The following PPP3CA variants were observed in gnomAD, a reference collection of about 807,000 sequenced individuals.
PPP3CA encodes protein phosphatase 3 catalytic subunit alpha, also known as CAM-PRP catalytic subunit.
A neutral mutation model predicts 66.5 loss-of-function variants in PPP3CA; 14 were observed. That is an observed-to-expected ratio of 0.21 (90% CI 0.14 to 0.33). The LOEUF is 0.33. Ranked by LOEUF, PPP3CA falls within the 10% of genes least tolerant of loss-of-function variation. The probability of loss-of-function intolerance (pLI) is 1.00; values close to 1 mark genes in which losing one functional copy is unlikely to be tolerated. For missense variants in PPP3CA, 317 were observed against 639.5 expected (o/e 0.50, Z 5.44); for synonymous variants, 232 against 226.2 (o/e 1.03, Z -0.23).
intron 10 of PPP3CA, 25 bp from the exon 11 acceptor site, chr4:101,040,591 GGTCA>G (rs1452139255): frequency 1.9e-6 from 3 of 1,572,830 alleles, no homozygotes; most frequent in African/African-American, 1.4e-5. Context: ...AGAGTTCAGT[GGTCA>G]GTAATTTTTT....
In PPP3CA at chr4:101,346,759, G is replaced by A. The variant is rs1384222183; in HGVS notation, c.38C>T (p.Thr13Met). Residue 13 changes from threonine to methionine, a missense_variant, in exon 1 of 14, where the codon ACG becomes ATG. Thr to Met is a moderately conservative substitution (Grantham distance 81). Transcript: ENST00000394854. Reference sequence around the variant, plus strand: ...CTTACCTTTCACCACCCTGTCGGTCGTCGACAACTTGGGATCAATTGCCTT... The same window carrying A: ...CTTACCTTTCACCACCCTGTCGGTCATCGACAACTTGGGATCAATTGCCTT... ...EPKAIDPKLS[T>M]TDRVVKAVPF... is the part of the protein sequence containing the mutation. 1 of 1,611,752 alleles carries A rather than the reference G, an allele frequency of 6.2e-7. No homozygotes were observed. The highest frequency in any genetic ancestry group is 8.5e-7 in the Non-Finnish European group (1 of 1,179,236).
intron 1 of PPP3CA, among the ~76,000 whole-genome samples, chr4:101,269,294 A>T (rs369793019): frequency 6.6e-6 from 1 of 152,242 alleles, no homozygotes; most frequent in South Asian, 2.1e-4. Flanking sequence ...TATCCTCCTC[A>T]AAATATTCAC....
intron 9 of PPP3CA, among the ~76,000 whole-genome samples, chr4:101,062,316 C>T (rs899837377): frequency 2.6e-5 from 4 of 151,966 alleles, no homozygotes; most frequent in African/African-American, 9.7e-5. Context: ...AAAGGGAAGG[C>T]TTCTTTGCCA....
chr4:101,119,562 C>T (rs1162507179), intron 2 of PPP3CA, among the ~76,000 whole-genome samples: 1 of 151,960 alleles, frequency 6.6e-6, no homozygotes, highest in Non-Finnish European at 1.5e-5. Flanking sequence ...TTCTGGAAAA[C>T]TCAGTTAAGG....
At chr4:101,242,263 G>T (rs779232788) in intron 1 of PPP3CA, among the ~76,000 whole-genome samples, 1 of 152,084 alleles carries the variant, frequency 6.6e-6, no homozygotes, top group Non-Finnish European at 1.5e-5. Flanking sequence ...GGATAGATAA[G>T]CAATTAAAGA....
At chr4:101,102,233 A>G (rs1468334805) in intron 3 of PPP3CA, among the ~76,000 whole-genome samples, 3 of 141,274 alleles carry the variant, frequency 2.1e-5, no homozygotes, top group Non-Finnish European at 4.6e-5. Context: ...GAAAGAAAGG[A>G]GGGAGGGAGG....
chr4:101,291,800 C>T (rs1380983655), intron 1 of PPP3CA, among the ~76,000 whole-genome samples: 1 of 152,060 alleles, frequency 6.6e-6, no homozygotes, highest in Admixed American at 6.6e-5. Context: ...CTTCCCTTAC[C>T]TCCACTAGGC....
At chr4:101,073,539 T>G (rs1401487464) in intron 8 of PPP3CA, among the ~76,000 whole-genome samples, 1 of 152,056 alleles carries the variant, frequency 6.6e-6, no homozygotes, top group East Asian at 1.9e-4. Flanking sequence ...CCTCTCAAAG[T>G]GCTGGGATGC....
chr4:101,148,803 A>G (rs1723046765), intron 2 of PPP3CA, among the ~76,000 whole-genome samples: 1 of 152,182 alleles, frequency 6.6e-6, no homozygotes, highest in Non-Finnish European at 1.5e-5. Context: ...TCTCTCAAAC[A>G]TGTTACCATG....
At chr4:101,096,724 T>A (rs1455222354) in intron 5 of PPP3CA, among the ~76,000 whole-genome samples, 1 of 152,226 alleles carries the variant, frequency 6.6e-6, no homozygotes, top group Non-Finnish European at 1.5e-5. Context: ...ATTTGTAATT[T>A]GACTTTTCAT....
intron 5 of PPP3CA, among the ~76,000 whole-genome samples, chr4:101,094,239 C>G (rs1251404263): frequency 6.6e-6 from 1 of 152,094 alleles, no homozygotes; most frequent in African/African-American, 2.4e-5. Flanking sequence ...TTATCCTTCT[C>G]TCCTTACTTA....
intron 1 of PPP3CA, among the ~76,000 whole-genome samples, chr4:101,220,575 C>G (rs867286466): frequency 3.3e-5 from 5 of 151,672 alleles, no homozygotes; most frequent in Non-Finnish European, 7.4e-5. Flanking sequence ...CTGGGTGCAA[C>G]TGACACTAGG....
rs2850959 is a variant in PPP3CA, at chr4:101,250,723, C to A, written c.59-54607G>T. 6.0e-3 allele frequency among the ~76,000 whole-genome samples: 913 copies of A among 152,206 alleles called. 5 individuals carry two copies. Among genetic ancestry groups the A allele is most frequent in the Non-Finnish European group, 0.01 (693 of 67,968 alleles). On this transcript the variant is annotated intron_variant, in intron 1 of 13. Coordinates refer to ENST00000394854, the MANE Select transcript of PPP3CA (RefSeq NM_000944.5). ...GTGACTTTAAAATAATTTTTCCATT[C>A]TATTCATTAGCCTCAATTTTTTTCT...
chr4:101,188,451 A>T (rs375522291), intron 2 of PPP3CA, among the ~76,000 whole-genome samples: 2 of 152,262 alleles, frequency 1.3e-5, no homozygotes, highest in East Asian at 3.9e-4. Flanking sequence ...CTCATGGATA[A>T]GATTTTTTTT....
At chr4:101,039,042 CAATA>C (rs753095168) in intron 11 of PPP3CA, among the ~76,000 whole-genome samples, 2 of 106,148 alleles carry the variant, frequency 1.9e-5, no homozygotes, top group Non-Finnish European at 4.6e-5. Context: ...ATCTGAGGCA[CAATA>C]AATAAACAAG....
At chr4:101,083,969 T>G (rs1729550531) in intron 6 of PPP3CA, among the ~76,000 whole-genome samples, 1 of 152,214 alleles carries the variant, frequency 6.6e-6, no homozygotes, top group Non-Finnish European at 1.5e-5. Context: ...AATATACAAT[T>G]ATGTTTGTCT....
intron 10 of PPP3CA, among the ~76,000 whole-genome samples, chr4:101,060,289 A>G (rs1728405938): frequency 6.6e-6 from 1 of 152,112 alleles, no homozygotes; most frequent in Admixed American, 6.6e-5. Context: ...TAGGTTTCCC[A>G]GGCTGGTCTC....
chr4:101,088,181 T>A lies in PPP3CA; in HGVS notation c.783-4918A>T, dbSNP rs531997563. On this transcript the variant is annotated intron_variant, in intron 6 of 13. Coordinates refer to ENST00000394854, the MANE Select transcript of PPP3CA (RefSeq NM_000944.5). ...GCGCGTGTGTGTAATAGCCTGCACA[T>A]TTATAATGACGGCACTATTCACTTT... Among the ~76,000 whole-genome samples, 26 of 152,280 alleles carry A rather than the reference T, an allele frequency of 1.7e-4. No individual in the cohort carries two copies. In the South Asian group the frequency reaches 5.0e-3, roughly 29 times the overall value.
intron 2 of PPP3CA, among the ~76,000 whole-genome samples, chr4:101,111,152 A>G (rs776305692): frequency 4.1e-4 from 62 of 152,198 alleles, no homozygotes; most frequent in Non-Finnish European, 5.3e-4. Context: ...CTCAAATTGT[A>G]GGAAACTTTA....
Sources: gnomAD v4.1 joint callset for allele counts (sites outside exome capture counted in the v4.1 genomes callset) on GRCh38, gnomAD v4.1.1 for gene constraint, MANE v1.5 for transcripts, NCBI Gene and HGNC (gene_info 2026-07-23, HGNC 2026-07-21) for gene names.